Variants in GSKIP observed in about 807,000 individuals in gnomAD.
The protein encoded by GSKIP is GSK3B-interacting protein.
A neutral mutation model predicts 11.9 loss-of-function variants in GSKIP; 5 were observed. That is an observed-to-expected ratio of 0.42 (90% CI 0.22 to 0.89). The LOEUF (loss-of-function observed/expected upper bound fraction) is 0.89, where lower values mean the gene tolerates loss of function less well. Among genes scored for constraint, GSKIP ranks in the 40% least tolerant of loss-of-function variants. GSKIP has a pLI of 0.29. For missense variants in GSKIP, 150 were observed against 166.6 expected, an observed-to-expected ratio of 0.90 and a Z score of 0.55; for synonymous variants, 70 against 62.9, an observed-to-expected ratio of 1.11 and a Z score of -0.54.
At chr14:96,371,990 T>C (rs989474887) in intron 1 of GSKIP, among the ~76,000 whole-genome samples, 1 of 152,308 alleles carries the variant, frequency 6.6e-6, no homozygotes, top group African/African-American at 2.4e-5. Flanking sequence ...CTCACTCGAA[T>C]GTACCTTTTA....
At chr14:96,384,093 C>T (rs1038601353) in intron 3 of GSKIP, among the ~76,000 whole-genome samples, 1 of 152,116 alleles carries the variant, frequency 6.6e-6, no homozygotes, top group Non-Finnish European at 1.5e-5. Context: ...GATTATATGA[C>T]TGTATGATAC....
chr14:96,370,959 A>T (rs1889031201), intron 1 of GSKIP, among the ~76,000 whole-genome samples: 1 of 152,244 alleles, frequency 6.6e-6, no homozygotes, highest in Non-Finnish European at 1.5e-5. Flanking sequence ...ATAATTTTAT[A>T]AACCAGAGTA....
chr14:96,381,761 G>A (rs1555373744), intron 2 of GSKIP, among the ~76,000 whole-genome samples: 1 of 152,174 alleles, frequency 6.6e-6, no homozygotes, highest in Non-Finnish European at 1.5e-5. Flanking sequence ...GTGAAAAAGA[G>A]TACAGTCCCT....
At chr14:96,366,032 G>C (rs906222857) in intron 1 of GSKIP, among the ~76,000 whole-genome samples, 1 of 152,032 alleles carries the variant, frequency 6.6e-6, no homozygotes, top group Admixed American at 6.5e-5. Flanking sequence ...GATGACAGTG[G>C]TTTGGACCAA....
chr14:96,366,221 A>C (rs1888879207), intron 1 of GSKIP, among the ~76,000 whole-genome samples: 2 of 152,088 alleles, frequency 1.3e-5, no homozygotes. Context: ...GAAGGTTTGA[A>C]ATAGACTTCT....
chr14:96,370,297 G>A (rs1465796513), intron 1 of GSKIP, among the ~76,000 whole-genome samples: 1 of 152,216 alleles, frequency 6.6e-6, no homozygotes, highest in Non-Finnish European at 1.5e-5. Context: ...GCTAGAACAA[G>A]TTAAGACTTG....
intron 1 of GSKIP, among the ~76,000 whole-genome samples, chr14:96,366,660 A>C (rs1424761797): frequency 6.6e-6 from 1 of 152,276 alleles, no homozygotes; most frequent in Non-Finnish European, 1.5e-5. Context: ...TGGAAGGCCA[A>C]GGCCGGAAGG....
chr14:96,386,791 T>C lies in GSKIP; in HGVS notation c.*1107T>C, dbSNP rs1172545826. 6.6e-6 allele frequency: 1 copy of C among 152,662 alleles called. No homozygotes were observed. Among genetic ancestry groups the C allele is most frequent in the Non-Finnish European group, 1.5e-5 (1 of 68,044 alleles). The allele number at this position is 152,662 out of a possible 1,614,324, so 9.5% of individuals were successfully genotyped here. ...CAGGTACTGATATTTATAAATTTAA[T>C]AAACTGTACCATGCTGCTGCATGTT... On this transcript the variant is annotated 3_prime_UTR_variant, in exon 4 of 4. Transcript: ENST00000555181.
intron 1 of GSKIP, among the ~76,000 whole-genome samples, chr14:96,376,999 C>T (rs2139937712): frequency 6.6e-6 from 1 of 152,260 alleles, no homozygotes; most frequent in South Asian, 2.1e-4. Flanking sequence ...TTTTGCTACT[C>T]ATATATAAAG....
At chr14:96,381,348 G>T (rs73365129) in intron 2 of GSKIP, among the ~76,000 whole-genome samples, 3,091 of 152,288 alleles carry the variant, frequency 0.02, 116 homozygotes, top group African/African-American at 0.071. Flanking sequence ...GTGAAAAGAT[G>T]AGTTATTCAG....
chr14:96,367,816 A>T (rs1320095351), intron 1 of GSKIP, among the ~76,000 whole-genome samples: 10 of 152,368 alleles, frequency 6.6e-5, no homozygotes, highest in Non-Finnish European at 1.5e-5. Context: ...TCATTTATGG[A>T]AACTTTACAT....
At chr14:96,365,850 C>T (rs1595343724) in intron 1 of GSKIP, among the ~76,000 whole-genome samples, 1 of 151,892 alleles carries the variant, frequency 6.6e-6, no homozygotes, top group East Asian at 1.9e-4. Context: ...ATAAAAAGAA[C>T]TTTGGCCTTT....
At chr14:96,363,970 T>C (rs1181329811) in intron 1 of GSKIP, 2 of 152,336 alleles carry the variant, frequency 1.3e-5, no homozygotes, top group African/African-American at 4.8e-5. Flanking sequence ...TGCCTGGCGG[T>C]TTGCAGAGCG....
At chr14:96,382,933 A>C (rs1595352599) in intron 3 of GSKIP, among the ~76,000 whole-genome samples, 1 of 152,210 alleles carries the variant, frequency 6.6e-6, no homozygotes, top group Non-Finnish European at 1.5e-5. Context: ...CTGAGATCAG[A>C]AATAAATCAG....
At chr14:96,369,708 C>CTAGATTT (rs547929016) in intron 1 of GSKIP, among the ~76,000 whole-genome samples, 17 of 152,212 alleles carry the variant, frequency 1.1e-4, no homozygotes, top group Non-Finnish European at 1.8e-4. Flanking sequence ...CAGCTTCCAC[C>CTAGATTT]TAGATTTTAG....
intron 1 of GSKIP, among the ~76,000 whole-genome samples, chr14:96,375,841 A>T (rs1013734795): frequency 6.6e-6 from 1 of 152,244 alleles, no homozygotes; most frequent in African/African-American, 2.4e-5. Flanking sequence ...GAGGTGGCAC[A>T]GGGTATCACA....
intron 1 of GSKIP, chr14:96,365,403 A>C: frequency 6.9e-6 from 1 of 145,862 alleles, no homozygotes; most frequent in Non-Finnish European, 1.5e-5. Context: ...CTGTCACGGG[A>C]GAATGCTTGA....
At position 96,385,647 on chromosome 14, in the gene GSKIP, A is replaced by G. The variant is rs769952250; in HGVS notation, c.383A>G (p.Gln128Arg). 1.9e-6 allele frequency: 3 copies of G among 1,613,502 alleles called. No individual in the cohort carries two copies. Among genetic ancestry groups the G allele is most frequent in the Non-Finnish European group, 2.5e-6 (3 of 1,179,734 alleles). The change falls in exon 4 of 4, where the codon CAA becomes CGA. Residue 128 changes from glutamine to arginine, a missense_variant. Gln to Arg is a conservative substitution (Grantham distance 43). Transcript: ENST00000555181. ...YREAFGNALL[Q>R]RLEALKRDGQ... is the part of the protein sequence containing the mutation. ...GAAGCATTTGGAAACGCACTGCTTCAAAGACTGGAAGCTTTGAAAAGAGAT... is the reference window on the plus strand; with the variant it reads ...GAAGCATTTGGAAACGCACTGCTTCGAAGACTGGAAGCTTTGAAAAGAGAT...
rs369778960 is a variant in GSKIP at position 96,365,614 on chromosome 14, T to G, written c.-103+2046T>G. On this transcript the variant is annotated intron_variant, in intron 1 of 3. Coordinates refer to ENST00000555181, the MANE Select transcript of GSKIP (RefSeq NM_016472.5). ...GGGAGGCCGAGGTGGGCGGATCACT[T>G]GAGGTCAGGAGTTCAAGACTAGCAT... is the stretch of plus-strand genomic sequence containing the variant. Among the ~76,000 whole-genome samples, 15 of 151,918 alleles carry G rather than the reference T, an allele frequency of 9.9e-5. No homozygotes were observed. The East Asian group carries it at 2.7e-3, about 27-fold the overall frequency.
Sources: gnomAD v4.1 joint callset for allele counts (sites outside exome capture counted in the v4.1 genomes callset) on GRCh38, gnomAD v4.1.1 for gene constraint, MANE v1.5 for transcripts, NCBI Gene and HGNC (gene_info 2026-07-23, HGNC 2026-07-21) for gene names.